The following EZR variants were observed in gnomAD, a reference collection of about 807,000 sequenced individuals.
The protein encoded by EZR is cytovillin 2.
In EZR, 40 loss-of-function variants were observed where a neutral mutation model predicts 74.8. The observed-to-expected ratio is 0.53, with a 90% CI of 0.42 to 0.70. The LOEUF (loss-of-function observed/expected upper bound fraction) is 0.70. EZR is among the 30% of genes least tolerant of loss of function. The pLI, the probability that EZR is intolerant of heterozygous loss-of-function variation, is 0.00. For missense variants in EZR, 678 were observed against 755.8 expected, an observed-to-expected ratio of 0.90 and a Z score of 1.21; for synonymous variants, 341 against 283.3, an observed-to-expected ratio of 1.20 and a Z score of -2.05.
intron 2 of EZR, among the ~76,000 whole-genome samples, chr6:158,799,196 C>T (rs912680248): frequency 1.2e-4 from 18 of 152,022 alleles, no homozygotes; most frequent in Admixed American, 2.0e-4. Context: ...GCCCTCGAGG[C>T]GCTCAAACTT....
At chr6:158,800,524 G>C (rs989729567) in intron 2 of EZR, among the ~76,000 whole-genome samples, 1 of 152,172 alleles carries the variant, frequency 6.6e-6, no homozygotes, top group East Asian at 1.9e-4. Context: ...CGCTAGGCTG[G>C]GCACGGTGGC....
chr6:158,771,222 C>A lies in EZR; in HGVS notation c.959+22G>T, dbSNP rs193110126. 218 of 1,590,288 alleles carry A rather than the reference C, an allele frequency of 1.4e-4. 1 individual carries two copies. Among genetic ancestry groups the A allele is most frequent in the African/African-American group, 1.1e-3 (82 of 74,274 alleles). ...GAGTTGGGAGAACACAGGCCCCCCC[C>A]ACTCTGGCCTCACGCGCTCACCGCT... is the stretch of plus-strand genomic sequence containing the variant. On this transcript the variant is annotated intron_variant, in intron 9 of 13. Coordinates refer to ENST00000367075, the MANE Select transcript of EZR (RefSeq NM_001111077.2).
At chr6:158,804,330 T>C (rs995140806) in intron 2 of EZR, among the ~76,000 whole-genome samples, 2 of 152,216 alleles carry the variant, frequency 1.3e-5, no homozygotes, top group African/African-American at 4.8e-5. Flanking sequence ...GAAACTATTC[T>C]TTCTAGAAAC....
chr6:158,816,006 G>A (rs1777545554), intron 2 of EZR, among the ~76,000 whole-genome samples: 1 of 152,206 alleles, frequency 6.6e-6, no homozygotes, highest in Admixed American at 6.5e-5. Flanking sequence ...AGAGAGAGAA[G>A]GGAGTTCTGA....
intron 2 of EZR, among the ~76,000 whole-genome samples, chr6:158,817,625 C>T (rs929818238): frequency 6.6e-6 from 1 of 152,194 alleles, no homozygotes; most frequent in Non-Finnish European, 1.5e-5. Flanking sequence ...GTCTCCTCTC[C>T]CAAACGCCCT....
At chr6:158,780,767 A>C (rs188375839) in intron 7 of EZR, among the ~76,000 whole-genome samples, 1 of 152,340 alleles carries the variant, frequency 6.6e-6, no homozygotes, top group Admixed American at 6.5e-5. Context: ...TCCGAGTGTC[A>C]GGTTTCAAAT....
At chr6:158,767,149 G>A (rs1790906707) in intron 13 of EZR, 71 bp from the exon 14 acceptor site, 37 of 1,594,254 alleles carry the variant, frequency 2.3e-5, no homozygotes, top group Non-Finnish European at 3.1e-5. Context: ...TAGGAAAACA[G>A]GAAGGGCAAG....
chr6:158,781,742 T>C (rs1336464073), intron 7 of EZR, among the ~76,000 whole-genome samples: 1 of 63,852 alleles, frequency 1.6e-5, no homozygotes, highest in African/African-American at 1.1e-4. Context: ...GTGTCCTGGT[T>C]CCAAGTACCC....
intron 2 of EZR, among the ~76,000 whole-genome samples, chr6:158,800,465 G>A (rs768458486): frequency 1.3e-5 from 2 of 152,194 alleles, no homozygotes; most frequent in Non-Finnish European, 2.9e-5. Context: ...CTTGAGCTAA[G>A]TGTCCTTGTT....
Position 158,785,668 on chromosome 6 carries a change from A to G in EZR, c.193-85T>C, listed in dbSNP as rs532927995. ...AACACAGGCTTCTAACCAAGACTCA[A>G]TGGGGCCCTCAAGCCAGTTTTCAGG... is the stretch of plus-strand genomic sequence containing the variant. On this transcript the variant is annotated intron_variant, in intron 4 of 13. Transcript: ENST00000367075. 1.4e-3 allele frequency: 2,102 copies of G among 1,514,294 alleles called. 3 individuals are homozygous for G. Among genetic ancestry groups the G allele is most frequent in the Non-Finnish European group, 1.7e-3 (1,921 of 1,111,236 alleles). The allele number at this position is 1,514,294 out of a possible 1,614,324, so 93.8% of individuals were successfully genotyped here.
chr6:158,793,723 C>A (rs1247663875), intron 2 of EZR, among the ~76,000 whole-genome samples: 1 of 152,196 alleles, frequency 6.6e-6, no homozygotes, highest in Non-Finnish European at 1.5e-5. Flanking sequence ...CCCATCCACA[C>A]ACACATTTCC....
intron 8 of EZR, among the ~76,000 whole-genome samples, chr6:158,773,119 G>C (rs1461567218): frequency 3.9e-5 from 6 of 152,164 alleles, no homozygotes; most frequent in Admixed American, 3.9e-4. Flanking sequence ...TACAGCTTTG[G>C]AGGACTCTAC....
At position 158,766,860 on chromosome 6, in the gene EZR, G is replaced by C; in HGVS notation, c.*54C>G. 1 of 1,544,756 alleles carries C rather than the reference G, an allele frequency of 6.5e-7. No individual in the cohort carries two copies. The highest frequency in any genetic ancestry group is 1.4e-5 in the African/African-American group (1 of 73,516). On this transcript the variant is annotated 3_prime_UTR_variant, in exon 14 of 14. Transcript: ENST00000367075. ...GAGCACTAAAGACACAAGCGTGGCG[G>C]GGCTGGCAGCGCCCGCTATGAGCAC...
At chr6:158,809,181 T>C (rs765705453) in intron 2 of EZR, among the ~76,000 whole-genome samples, 4 of 152,060 alleles carry the variant, frequency 2.6e-5, no homozygotes, top group East Asian at 1.9e-4. Flanking sequence ...GACAGCGTTA[T>C]AGGTGGAGAC....
intron 12 of EZR, among the ~76,000 whole-genome samples, chr6:158,768,982 T>A (rs763989692): frequency 6.6e-6 from 1 of 152,114 alleles, no homozygotes; most frequent in Non-Finnish European, 1.5e-5. Context: ...CATATATAAT[T>A]AGATTTAAAA....
chr6:158,815,331 G>C (rs1777531788), intron 2 of EZR, among the ~76,000 whole-genome samples: 1 of 152,106 alleles, frequency 6.6e-6, no homozygotes, highest in African/African-American at 2.4e-5. Context: ...TCAGTGATTT[G>C]TGGGATGGCT....
At chr6:158,816,374 G>A (rs1172730097) in intron 2 of EZR, among the ~76,000 whole-genome samples, 6 of 152,198 alleles carry the variant, frequency 3.9e-5, no homozygotes, top group Admixed American at 1.3e-4. Context: ...CATTCATTAT[G>A]AGAAATGAGA....
chr6:158,784,063 C>G (rs919481016), intron 6 of EZR, among the ~76,000 whole-genome samples: 2 of 152,224 alleles, frequency 1.3e-5, no homozygotes, highest in Non-Finnish European at 2.9e-5. Flanking sequence ...TTGGGCCAGA[C>G]AGGAAACCCT....
intron 10 of EZR, 76 bp downstream of exon 10, chr6:158,770,688 G>T (rs1268197744): frequency 6.6e-7 from 1 of 1,505,702 alleles, no homozygotes. Context: ...CTGGTGAGTG[G>T]GTGGGTGGGT....
Sources: allele counts gnomAD v4.1 joint callset (sites outside exome capture counted in the v4.1 genomes callset), GRCh38; gene constraint gnomAD v4.1.1; transcripts MANE v1.5; gene names NCBI Gene and HGNC (gene_info 2026-07-23, HGNC 2026-07-21).